MYL10: variants seen among roughly 807,000 people sequenced by gnomAD.
The protein encoded by MYL10 is myosin regulatory light chain 10.
A neutral mutation model predicts 21.9 loss-of-function variants in MYL10; 18 were observed. The ratio of observed to expected loss-of-function variants is 0.82; its 90% CI spans 0.57 to 1.22. The LOEUF (loss-of-function observed/expected upper bound fraction) is 1.22. Ranked by LOEUF, MYL10 falls within the 50% of genes most tolerant of loss-of-function variation. The probability of loss-of-function intolerance (pLI) is 0.00; values close to 1 mark genes in which losing one functional copy is unlikely to be tolerated. For synonymous variants in MYL10, 88 were observed against 82.8 expected, an observed-to-expected ratio of 1.06 and a Z score of -0.34; for missense variants, 225 against 230.4, an observed-to-expected ratio of 0.98 and a Z score of 0.15.
At chr7:101,621,339 T>C (rs886139805) in intron 5 of MYL10, among the ~76,000 whole-genome samples, 25 of 152,022 alleles carry the variant, frequency 1.6e-4, no homozygotes, top group African/African-American at 4.8e-4. Flanking sequence ...CATTTGTGAA[T>C]GAGGCTCCCC....
intron 6 of MYL10, among the ~76,000 whole-genome samples, chr7:101,615,155 C>G (rs1479969847): frequency 6.6e-6 from 1 of 152,196 alleles, no homozygotes; most frequent in Non-Finnish European, 1.5e-5. Context: ...TTCATGCATT[C>G]CAAGTGAGCT....
At chr7:101,613,915 C>T (rs945628554) in intron 6 of MYL10, among the ~76,000 whole-genome samples, 4 of 152,096 alleles carry the variant, frequency 2.6e-5, no homozygotes, top group African/African-American at 9.7e-5. Context: ...GGGCTTTCCT[C>T]CCAGCATCAG....
At chr7:101,614,040 C>T (rs1376924060) in intron 6 of MYL10, among the ~76,000 whole-genome samples, 2 of 152,034 alleles carry the variant, frequency 1.3e-5, no homozygotes, top group African/African-American at 2.4e-5. Flanking sequence ...GGTCCCCCAC[C>T]GCAGAGCCTC....
In MYL10 at chr7:101,614,238, A is replaced by T. The variant is rs563120796; in HGVS notation, c.534-528T>A. Among the ~76,000 whole-genome samples, 40 of 152,220 alleles carry T rather than the reference A, an allele frequency of 2.6e-4. No homozygotes were observed. In the South Asian group the frequency reaches 2.9e-3, roughly 11 times the overall value. ...GAGGGTCCTGCAGGGTTCTTAAGGG[A>T]GCTCAGTGGGCAAAGATGGGATCAG... On this transcript the variant is annotated intron_variant, in intron 6 of 7. Transcript: ENST00000223167.
rs907649438 is a variant in MYL10 at position 101,626,435 on chromosome 7, C to G, written c.79-2171G>C. On this transcript the variant is annotated intron_variant, in intron 1 of 7. Transcript: ENST00000223167. ...ACAGAGAAGCCCCTAGGCCCTCGGG[C>G]AGTCAGGAGGTGACAAGCCGAGGCT... Among the ~76,000 whole-genome samples the G allele has an allele frequency of 4.6e-5, 7 of 152,208 alleles. No individual in the cohort carries two copies. The South Asian group carries it at 1.5e-3, about 32-fold the overall frequency.
At chr7:101,624,730 C>A (rs1352252798) in intron 1 of MYL10, among the ~76,000 whole-genome samples, 1 of 152,218 alleles carries the variant, frequency 6.6e-6, no homozygotes, top group African/African-American at 2.4e-5. Flanking sequence ...AGCTGCTACT[C>A]CCTCTCACCC....
At position 101,624,323 on chromosome 7, in the gene MYL10, C is replaced by T. The variant is rs1796720016; in HGVS notation, c.79-59G>A. 4.8e-6 allele frequency: 6 copies of T among 1,257,172 alleles called. No individual in the cohort carries two copies. In the Admixed American group the frequency reaches 9.3e-5, roughly 20 times the overall value. 77.9% of individuals were successfully genotyped at this position (1,257,172 alleles called of 1,614,324 possible). On this transcript the variant is annotated intron_variant, in intron 1 of 7. Transcript: ENST00000223167. ...CCTGCCTCGAGGGTCAGCCCCCACC[C>T]CCTGTCTCACCTCCCAGGGCATCAC... is the stretch of plus-strand genomic sequence containing the variant.
chr7:101,624,172 C>G lies in MYL10; in HGVS notation c.171G>C (p.Glu57Asp), dbSNP rs752446092. ...CAGCCCCATGGGGCAGCAGACCAAC[C>G]TCTTTAAACTCCTGGATCTGGGACT... ...FDQSQIQEFK[E>D]SLALSPRLER... The change falls in exon 2 of 8, where the codon GAG (glutamate) becomes GAC (aspartate). Residue 57 changes from glutamate to aspartate, a missense_variant and splice_region_variant. Transcript: ENST00000223167. 2.5e-6 allele frequency: 4 copies of G among 1,605,424 alleles called. No homozygotes were observed. The African/African-American group carries it at 5.4e-5, about 22-fold the overall frequency.
chr7:101,626,445 G>A (rs1350000833), intron 1 of MYL10, among the ~76,000 whole-genome samples: 1 of 152,156 alleles, frequency 6.6e-6, no homozygotes, highest in Non-Finnish European at 1.5e-5. Context: ...CAGTCAGGAG[G>A]TGACAAGCCG....
At chr7:101,624,310 G>A (rs371253435) in intron 1 of MYL10, 46 bp from the exon 2 acceptor site, 29 of 1,465,668 alleles carry the variant, frequency 2.0e-5, no homozygotes, top group Non-Finnish European at 2.6e-5. Flanking sequence ...TGCCTCGAGG[G>A]TCAGCCCCCA....
intron 1 of MYL10, among the ~76,000 whole-genome samples, chr7:101,625,702 G>A (rs1796737819): frequency 6.6e-6 from 1 of 152,190 alleles, no homozygotes; most frequent in Non-Finnish European, 1.5e-5. Context: ...GGGCGGCCGG[G>A]ACGTTATGAT....
intron 5 of MYL10, among the ~76,000 whole-genome samples, chr7:101,619,889 C>A (rs76031956): frequency 2.0e-3 from 202 of 102,582 alleles, no homozygotes; most frequent in Middle Eastern, 6.0e-3. Context: ...GACTCCGTCT[C>A]AAAAAAAAAA....
Position 101,623,002 on chromosome 7 carries a change from G to T in MYL10, c.344C>A (p.Ala115Glu), listed in dbSNP as rs540771154. 13 of 1,613,740 alleles carry T rather than the reference G, an allele frequency of 8.1e-6. No individual in the cohort carries two copies. The highest frequency in any genetic ancestry group is 1.1e-5 in the Non-Finnish European group (13 of 1,179,948). Residue 115 changes from alanine (A) to glutamate (E), a missense_variant, in exon 4 of 8, where the codon GCG becomes GAG. Physicochemically the swap from Ala to Glu is moderately radical, Grantham distance 107. Transcript: ENST00000223167. ...DKEDLRDTFAALGRINVKNEE... is the reference protein window; with the variant it reads ...DKEDLRDTFAELGRINVKNEE... Reference sequence around the variant, plus strand: ...CCGGCTGCTGGCTCACCCACCCAGCGCGGCAAAGGTGTCCCTCAAGTCCTC... The same window carrying T: ...CCGGCTGCTGGCTCACCCACCCAGCTCGGCAAAGGTGTCCCTCAAGTCCTC...
At chr7:101,623,384 C>T (rs1451287136) in intron 3 of MYL10, among the ~76,000 whole-genome samples, 1 of 152,166 alleles carries the variant, frequency 6.6e-6, no homozygotes, top group Non-Finnish European at 1.5e-5. Flanking sequence ...TGGGCCATGG[C>T]CATGGTGGCC....
chr7:101,616,211 G>GA lies in MYL10; in HGVS notation c.533+8dup. 6.2e-7 allele frequency: 1 copy of GA among 1,613,644 alleles called. No homozygotes were observed. The highest frequency in any genetic ancestry group is 8.5e-7 in the Non-Finnish European group (1 of 1,179,568). On this transcript the variant is annotated intron_variant, in intron 6 of 7. Transcript: ENST00000223167. ...CCTGAGCATTTTGGGGGAGTCAGGG[G>GA]AAACTTACACATCGGCCTTGACGAA...
At chr7:101,617,193 G>A (rs1427906746) in intron 5 of MYL10, among the ~76,000 whole-genome samples, 1 of 152,208 alleles carries the variant, frequency 6.6e-6, no homozygotes, top group African/African-American at 2.4e-5. Context: ...GTGCTCAAAT[G>A]TGTCATTGGT....
At chr7:101,626,562 CA>C (rs1796748755) in intron 1 of MYL10, among the ~76,000 whole-genome samples, 1 of 152,224 alleles carries the variant, frequency 6.6e-6, no homozygotes, top group Admixed American at 6.5e-5. Flanking sequence ...AGGGAGTCCC[CA>C]GGGGCAGGAA....
intron 4 of MYL10, 58 bp downstream of exon 4, chr7:101,622,939 C>A: frequency 6.5e-7 from 1 of 1,533,170 alleles, no homozygotes. Flanking sequence ...CTGGCCCCAA[C>A]CGCCCACTCT....
At chr7:101,624,857 G>C (rs1796726246) in intron 1 of MYL10, among the ~76,000 whole-genome samples, 1 of 151,928 alleles carries the variant, frequency 6.6e-6, no homozygotes, top group Non-Finnish European at 1.5e-5. Flanking sequence ...TCTATCTAGA[G>C]ACTCCTACCC....
Sources: gnomAD v4.1 joint callset for allele counts (sites outside exome capture counted in the v4.1 genomes callset) on GRCh38, gnomAD v4.1.1 for gene constraint, MANE v1.5 for transcripts, NCBI Gene and HGNC (gene_info 2026-07-23, HGNC 2026-07-21) for gene names.